CDH6: variants seen among roughly 807,000 people sequenced by gnomAD.
The protein encoded by CDH6 is cadherin-6.
A neutral mutation model predicts 78.0 loss-of-function variants in CDH6; 31 were observed. The ratio of observed to expected loss-of-function variants is 0.40; its 90% confidence interval spans 0.30 to 0.54. The LOEUF (loss-of-function observed/expected upper bound fraction) is 0.54, where lower values mean the gene tolerates loss of function less well. CDH6 is among the 20% of genes least tolerant of loss of function. The probability of loss-of-function intolerance (pLI) is 0.56; values close to 1 mark genes in which losing one functional copy is unlikely to be tolerated. For synonymous variants in CDH6, 376 were observed against 368.8 expected (o/e 1.02, Z -0.23); for missense variants, 724 against 975.9 (o/e 0.74, Z 3.44).
At chr5:31,262,426 G>T (rs1408578702) in intron 1 of CDH6, among the ~76,000 whole-genome samples, 1 of 152,122 alleles carries the variant, frequency 6.6e-6, no homozygotes. Flanking sequence ...GCATACAAAC[G>T]ATTCCCTGTA....
Position 31,208,374 on chromosome 5 carries a change from T to C in CDH6, c.-129+14488T>C, listed in dbSNP as rs538279287. On this transcript the variant is annotated intron_variant, in intron 1 of 11. Transcript: ENST00000265071. ...AAAGGCCACGAGGGGTTTTAGACCCTGGACCCCGGACATCCTCCAAGGATC... is the reference window on the plus strand; with the variant it reads ...AAAGGCCACGAGGGGTTTTAGACCCCGGACCCCGGACATCCTCCAAGGATC... Among the ~76,000 whole-genome samples the C allele has an allele frequency of 5.3e-5, 8 of 152,332 alleles. No individual in the cohort carries two copies. In the East Asian group the frequency reaches 1.4e-3, roughly 26 times the overall value.
chr5:31,241,968 C>T (rs1396235088), intron 1 of CDH6, among the ~76,000 whole-genome samples: 2 of 152,194 alleles, frequency 1.3e-5, no homozygotes, highest in East Asian at 3.9e-4. Flanking sequence ...CATCCCTGAG[C>T]TACTCTTGGC....
chr5:31,307,378 T>C (rs1341824071), intron 7 of CDH6, among the ~76,000 whole-genome samples: 1 of 152,198 alleles, frequency 6.6e-6, no homozygotes, highest in Non-Finnish European at 1.5e-5. Context: ...AAGCCCCACA[T>C]CTCAAACACA....
rs1458362160 is a variant in CDH6, at chr5:31,294,658, TAAA to T, written c.523+405_523+407del. Among the ~76,000 whole-genome samples the T allele has an allele frequency of 1.3e-5, 2 of 152,190 alleles. No homozygotes were observed. The highest frequency in any genetic ancestry group is 3.9e-4 in the East Asian group (2 of 5,190). On this transcript the variant is annotated intron_variant, in intron 3 of 11. Transcript: ENST00000265071. The surrounding 1 kb of genome is among the most constrained non-coding windows in gnomAD (Gnocchi z 4.1). ...AAAAGCTTACATTTACAATCCAGTC[TAAA>T]AAGTAGTGATAGTTGCTTTAAGTAA... is the stretch of plus-strand genomic sequence containing the variant.
intron 2 of CDH6, among the ~76,000 whole-genome samples, chr5:31,282,994 AGGATGGAT>A (rs546068730): frequency 6.6e-6 from 1 of 152,066 alleles, no homozygotes; most frequent in African/African-American, 2.4e-5. Flanking sequence ...GAAAGATGGA[AGGATGGAT>A]GGATGGATGG....
intron 1 of CDH6, among the ~76,000 whole-genome samples, chr5:31,194,173 G>A (rs976801918): frequency 6.6e-6 from 1 of 152,120 alleles, no homozygotes; most frequent in Non-Finnish European, 1.5e-5. Flanking sequence ...GCTGGGTGGG[G>A]GCACCGGGAA....
chr5:31,320,058 C>T (rs1738437549), intron 11 of CDH6, among the ~76,000 whole-genome samples: 1 of 152,180 alleles, frequency 6.6e-6, no homozygotes, highest in African/African-American at 2.4e-5. Flanking sequence ...TTACTGCTGT[C>T]CTCTGGCTTC....
chr5:31,218,542 T>C (rs571954197), intron 1 of CDH6, among the ~76,000 whole-genome samples: 2 of 152,268 alleles, frequency 1.3e-5, no homozygotes, highest in East Asian at 3.9e-4. Flanking sequence ...TCTTCCCCCA[T>C]TCTACCCAAG....
intron 2 of CDH6, among the ~76,000 whole-genome samples, chr5:31,278,898 T>C (rs1347915322): frequency 6.6e-6 from 1 of 152,178 alleles, no homozygotes; most frequent in Non-Finnish European, 1.5e-5. Flanking sequence ...TAAAATACAG[T>C]TACACAAAGC....
intron 9 of CDH6, 150 bp downstream of exon 9, chr5:31,316,479 C>A: frequency 3.1e-6 from 2 of 653,034 alleles, no homozygotes; most frequent in Non-Finnish European, 4.9e-6. Flanking sequence ...AGAACCAGGA[C>A]TTACATATGA....
intron 1 of CDH6, among the ~76,000 whole-genome samples, chr5:31,218,960 T>G (rs1312494868): frequency 1.3e-5 from 2 of 152,212 alleles, no homozygotes; most frequent in Non-Finnish European, 2.9e-5. Context: ...TGGGTCACCT[T>G]GGCTGAACCA....
At chr5:31,308,954 AG>A (rs1738072901) in intron 7 of CDH6, among the ~76,000 whole-genome samples, 2 of 152,084 alleles carry the variant, frequency 1.3e-5, no homozygotes, top group South Asian at 4.1e-4. Context: ...TTTCTTATGA[AG>A]TCTATGAATA....
intron 6 of CDH6, among the ~76,000 whole-genome samples, chr5:31,302,903 AAAAGAAAGAAAGAAAG>A (rs70953502): frequency 0.011 from 1,008 of 90,442 alleles, 14 homozygotes; most frequent in Middle Eastern, 0.018. Context: ...AAGAAAGAAA[AAAAGAAAGAAAGAAAG>A]AAAGAAAGAA....
chr5:31,206,820 G>A (rs1001361017), intron 1 of CDH6, among the ~76,000 whole-genome samples: 9 of 152,078 alleles, frequency 5.9e-5, no homozygotes, highest in African/African-American at 2.2e-4. Flanking sequence ...TGATTTGTAA[G>A]GTTTCTATTC....
chr5:31,322,032 G>A (rs1561075268), intron 11 of CDH6, among the ~76,000 whole-genome samples: 1 of 152,028 alleles, frequency 6.6e-6, no homozygotes, highest in Non-Finnish European at 1.5e-5. Flanking sequence ...AGTTAGGAGG[G>A]AAAAAATCAA....
rs1737510577 is a variant in CDH6 at position 31,294,186 on chromosome 5, C to T, written c.453C>T (p.Asp151=). The change falls in exon 3 of 12, where the codon GAC becomes GAT. Residue 151 remains aspartate, a synonymous_variant. Transcript: ENST00000265071. The surrounding 1 kb of genome is among the most constrained non-coding windows in gnomAD (Gnocchi z 4.1). ...CTGAATTCATCATCAAGATCCATGA[C>T]ATCAATGACAATGAACCAATATTCA... The part of the protein sequence containing the change: ...PESEFIIKIH[D]INDNEPIFTK... 1.9e-6 allele frequency: 3 copies of T among 1,613,864 alleles called. No individual in the cohort carries two copies. Among genetic ancestry groups the T allele is most frequent in the African/African-American group, 1.3e-5 (1 of 75,034 alleles).
chr5:31,258,351 G>A lies in CDH6; in HGVS notation c.-128-8995G>A, dbSNP rs533233903. On this transcript the variant is annotated intron_variant, in intron 1 of 11. Transcript: ENST00000265071. The stretch of plus-strand genomic sequence containing the variant: ...TGTCCTTTGCAGGGACATGGATGAC[G>A]CTGGAAATCATTATTCTCAGCAAAC... 3.3e-5 allele frequency among the ~76,000 whole-genome samples: 5 copies of A among 152,244 alleles called. No homozygotes were observed. In the South Asian group the frequency reaches 6.2e-4, roughly 19 times the overall value.
rs762117189 is a variant in CDH6, at chr5:31,316,287, G to A, written c.1470G>A (p.Glu490=). 3.1e-6 allele frequency: 5 copies of A among 1,613,562 alleles called. No homozygotes were observed. Among genetic ancestry groups the A allele is most frequent in the Middle Eastern group, 1.7e-4 (1 of 6,058 alleles). Residue 490 remains glutamate (E), a synonymous_variant, in exon 9 of 12, where the codon GAG becomes GAA. Coordinates refer to ENST00000265071, the MANE Select transcript of CDH6 (RefSeq NM_004932.4). ...ATGACAACGCCCCAGAATTTGCTGA[G>A]TTCTATGAAACTTTTGTCTGTGAAA... ...DVNDNAPEFA[E]FYETFVCEKA...
intron 5 of CDH6, among the ~76,000 whole-genome samples, chr5:31,301,347 A>G (rs1018137460): frequency 1.3e-5 from 2 of 152,168 alleles, no homozygotes; most frequent in Admixed American, 6.5e-5. Flanking sequence ...TTACTATTTT[A>G]TATTTTTGGT....
Sources: gnomAD v4.1 joint callset for allele counts (sites outside exome capture counted in the v4.1 genomes callset) on GRCh38, gnomAD v4.1.1 for gene constraint, Gnocchi (gnomAD v3.1) non-coding constraint, MANE v1.5 for transcripts, NCBI Gene and HGNC (gene_info 2026-07-23, HGNC 2026-07-21) for gene names.